SGCD: variants seen among roughly 807,000 people sequenced by gnomAD.
SGCD encodes delta-sarcoglycan.
In SGCD, 18 loss-of-function variants were observed where a neutral mutation model predicts 36.6. That is an observed-to-expected ratio of 0.49 (90% CI 0.34 to 0.73). The LOEUF (loss-of-function observed/expected upper bound fraction) is 0.73, where lower values mean the gene tolerates loss of function less well. Ranked by LOEUF, SGCD falls within the 30% of genes least tolerant of loss-of-function variation. The probability of loss-of-function intolerance (pLI) is 0.01; values close to 1 mark genes in which losing one functional copy is unlikely to be tolerated. For missense variants in SGCD, 387 were observed against 346.7 expected (o/e 1.12, Z -0.92); for synonymous variants, 133 against 130.6 (o/e 1.02, Z -0.12).
intron 1 of SGCD, among the ~76,000 whole-genome samples, chr5:155,938,309 C>A (rs1757256957): frequency 6.6e-6 from 1 of 152,206 alleles, no homozygotes; most frequent in African/African-American, 2.4e-5. Context: ...CAGCCTGAAA[C>A]AAACTGGGGT....
At position 156,344,499 on chromosome 5, in the gene SGCD, A is replaced by T; in HGVS notation, c.14A>T (p.Glu5Val). The change falls in exon 3 of 9, where the codon GAG becomes GTG. Residue 5 changes from glutamate (E) to valine (V), a missense_variant. Coordinates refer to ENST00000337851, the MANE Select transcript of SGCD (RefSeq NM_000337.6). ...CCTCGTTTATTTCAGATGCCTCAGG[A>T]GCAGTACACTCACCACCGGAGCACC... MMPQ[E>V]QYTHHRSTMP... 1.3e-6 allele frequency: 2 copies of T among 1,590,050 alleles called. No individual in the cohort carries two copies. The highest frequency in any genetic ancestry group is 1.7e-6 in the Non-Finnish European group (2 of 1,170,910).
At chr5:156,561,077 C>G (rs1759247506) in intron 4 of SGCD, among the ~76,000 whole-genome samples, 1 of 152,166 alleles carries the variant, frequency 6.6e-6, no homozygotes, top group African/African-American at 2.4e-5. Context: ...TACAATCAGT[C>G]TTAATGAAGG....
At chr5:156,195,782 A>C (rs1764011383) in intron 3 of SGCD, among the ~76,000 whole-genome samples, 2 of 152,174 alleles carry the variant, frequency 1.3e-5, no homozygotes, top group African/African-American at 4.8e-5. Flanking sequence ...AGCAAGAGCA[A>C]AACTGAAAGA....
intron 3 of SGCD, among the ~76,000 whole-genome samples, chr5:156,252,354 G>T (rs1765603857): frequency 6.6e-6 from 1 of 152,150 alleles, no homozygotes; most frequent in Non-Finnish European, 1.5e-5. Context: ...TGAGATTACA[G>T]GCGTGAGCCA....
chr5:156,415,226 G>C (rs1006365834), intron 3 of SGCD, among the ~76,000 whole-genome samples: 12 of 152,044 alleles, frequency 7.9e-5, no homozygotes, highest in African/African-American at 2.9e-4. Flanking sequence ...AATGAAACCA[G>C]ACCAGCCACA....
chr5:156,431,029 T>C (rs1752986049), intron 3 of SGCD, among the ~76,000 whole-genome samples: 1 of 152,138 alleles, frequency 6.6e-6, no homozygotes, highest in African/African-American at 2.4e-5. Context: ...TAATACTCAA[T>C]GGTGGGCCAA....
At chr5:156,026,557 G>A (rs1197076889) in intron 1 of SGCD, among the ~76,000 whole-genome samples, 1 of 152,178 alleles carries the variant, frequency 6.6e-6, no homozygotes. Context: ...TTATATGAAA[G>A]CATTGTTTGA....
chr5:155,865,310 T>G, the SGCD span, among the ~76,000 whole-genome samples: 1 of 152,166 alleles, frequency 6.6e-6, no homozygotes, highest in African/African-American at 2.4e-5. Flanking sequence ...GTTTTAATAT[T>G]TTTTACAAAT....
At chr5:155,797,581 A>G in the SGCD span, among the ~76,000 whole-genome samples, 89 of 152,314 alleles carry the variant, frequency 5.8e-4, 3 homozygotes, top group East Asian at 0.01. Flanking sequence ...GAGTTCCACT[A>G]CAGATCCTTG....
At chr5:155,816,245 A>T in the SGCD span, among the ~76,000 whole-genome samples, 1 of 152,206 alleles carries the variant, frequency 6.6e-6, no homozygotes, top group Non-Finnish European at 1.5e-5. Flanking sequence ...GACCATCCTC[A>T]TATAACTTTT....
rs139785237 is a variant in SGCD, at chr5:156,238,676, A to G, written c.-43-90858A>G. Among the ~76,000 whole-genome samples, 14 of 152,300 alleles carry G rather than the reference A, an allele frequency of 9.2e-5. No individual in the cohort carries two copies. The South Asian group carries it at 1.0e-3, about 11-fold the overall frequency. ...TGACTGTATTGGAAAGCACATTTCT[A>G]TGGTAAAATGTACAGAGCCAGGCTT... On this transcript the variant is annotated intron_variant, in intron 3 of 9. Coordinates refer to the SGCD transcript ENST00000517913.
At chr5:155,989,026 C>G (rs1451103208) in intron 1 of SGCD, among the ~76,000 whole-genome samples, 2 of 152,194 alleles carry the variant, frequency 1.3e-5, no homozygotes, top group Non-Finnish European at 2.9e-5. Flanking sequence ...CATTGACTGT[C>G]TGCCAGGATG....
chr5:156,051,977 G>C (rs966189564), intron 1 of SGCD, among the ~76,000 whole-genome samples: 4 of 146,026 alleles, frequency 2.7e-5, no homozygotes, highest in African/African-American at 9.9e-5. Flanking sequence ...CTAAAGACAG[G>C]GTTCTTGTCC....
At chr5:156,158,474 G>A (rs1485349690) in intron 3 of SGCD, among the ~76,000 whole-genome samples, 1 of 151,570 alleles carries the variant, frequency 6.6e-6, no homozygotes, top group East Asian at 1.9e-4. Context: ...AAACAGCTGA[G>A]GGAGTGACAG....
chr5:156,213,831 G>A (rs1310931920), intron 3 of SGCD, among the ~76,000 whole-genome samples: 1 of 151,976 alleles, frequency 6.6e-6, no homozygotes, highest in Admixed American at 6.5e-5. Context: ...ATCAATAAAT[G>A]TGATACCTCA....
chr5:155,912,015 C>T (rs996297042), intron 1 of SGCD, among the ~76,000 whole-genome samples: 1 of 152,032 alleles, frequency 6.6e-6, no homozygotes, highest in Admixed American at 6.6e-5. Context: ...TAACACTTTC[C>T]TCTTTCCAGG....
the SGCD span, among the ~76,000 whole-genome samples, chr5:155,853,008 T>C: frequency 1.3e-5 from 2 of 150,960 alleles, no homozygotes; most frequent in South Asian, 2.1e-4. Flanking sequence ...TCAGTCACTA[T>C]TTCCTTTTGC....
At position 156,393,276 on chromosome 5, in the gene SGCD, A is replaced by G. The variant is rs184285120; in HGVS notation, c.192+48599A>G. Among the ~76,000 whole-genome samples, 17 of 152,338 alleles carry G rather than the reference A, an allele frequency of 1.1e-4. No individual in the cohort carries two copies. The East Asian group carries it at 3.3e-3, about 29-fold the overall frequency. On this transcript the variant is annotated intron_variant, in intron 3 of 8. Coordinates refer to ENST00000337851, the MANE Select transcript of SGCD (RefSeq NM_000337.6). ...AAATGTTAGGGGTATTTATTTTCAC[A>G]AGAATCCTATAGACTACATTCATAC...
At chr5:156,401,341 A>G (rs151241871) in intron 3 of SGCD, among the ~76,000 whole-genome samples, 176 of 152,312 alleles carry the variant, frequency 1.2e-3, no homozygotes, top group African/African-American at 3.9e-3. Flanking sequence ...AAGGTGCTCT[A>G]TCATTCAGTG....
Sources: gnomAD v4.1 joint callset for allele counts (sites outside exome capture counted in the v4.1 genomes callset) on GRCh38, gnomAD v4.1.1 for gene constraint, MANE v1.5 for transcripts, NCBI Gene and HGNC (gene_info 2026-07-23, HGNC 2026-07-21) for gene names.